The following ACYP2 variants were observed in gnomAD, a reference collection of about 807,000 sequenced individuals.
The protein encoded by ACYP2 is acylphosphatase 2, also known as acylphosphatase-2.
Under a neutral mutation model 11.2 loss-of-function variants are expected in ACYP2, and 12 were observed. The observed-to-expected ratio is 1.08, with a 90% CI of 0.69 to 1.74. ACYP2 has a LOEUF of 1.74. ACYP2 is among the 40% of genes most tolerant of loss of function. The pLI is 0.00. For synonymous variants in ACYP2, 43 were observed against 32.2 expected, an observed-to-expected ratio of 1.33 and a Z score of -1.13; for missense variants, 134 against 101.9, an observed-to-expected ratio of 1.31 and a Z score of -1.35.
intron 6 of ACYP2, among the ~76,000 whole-genome samples, chr2:54,183,263 T>C (rs557886679): frequency 3.9e-4 from 59 of 152,348 alleles, no homozygotes; most frequent in African/African-American, 1.4e-3. Flanking sequence ...CTGGGTGTTC[T>C]GATGATGTGG....
At chr2:54,166,148 C>T (rs370364545) in intron 6 of ACYP2, among the ~76,000 whole-genome samples, 34 of 152,252 alleles carry the variant, frequency 2.2e-4, no homozygotes, top group African/African-American at 7.7e-4. Flanking sequence ...TCAAGGAAAC[C>T]AAAGTGTGTG....
At chr2:54,137,926 G>A (rs1051730895) in intron 5 of ACYP2, among the ~76,000 whole-genome samples, 5 of 152,128 alleles carry the variant, frequency 3.3e-5, no homozygotes, top group African/African-American at 1.2e-4. Flanking sequence ...CCTTTTCTCT[G>A]CAACCTGGCC....
intron 2 of ACYP2, among the ~76,000 whole-genome samples, chr2:54,008,563 A>G (rs1300389615): frequency 6.6e-6 from 1 of 152,208 alleles, no homozygotes; most frequent in Non-Finnish European, 1.5e-5. Context: ...AGAGGCACAG[A>G]GGCAAAGAAT....
chr2:54,137,991 G>A (rs1681359601), intron 5 of ACYP2, among the ~76,000 whole-genome samples: 1 of 152,100 alleles, frequency 6.6e-6, no homozygotes, highest in African/African-American at 2.4e-5. Flanking sequence ...GGTGTGAGAA[G>A]GTATCTCATT....
chr2:53,975,094 G>A (rs527884865), intron 2 of ACYP2, among the ~76,000 whole-genome samples: 124 of 151,938 alleles, frequency 8.2e-4, no homozygotes, highest in Admixed American at 1.2e-3. Flanking sequence ...GCATGGTGGC[G>A]TGCGCCTGTA....
intron 2 of ACYP2, among the ~76,000 whole-genome samples, chr2:54,045,441 T>G (rs1438937476): frequency 1.3e-5 from 2 of 152,164 alleles, no homozygotes; most frequent in Admixed American, 6.5e-5. Context: ...AGTGTTTTGT[T>G]TTTAAGAGAG....
At position 54,138,633 on chromosome 2, in the gene ACYP2, A is replaced by G; in HGVS notation, c.295-6A>G. On this transcript the variant is annotated splice_polypyrimidine_tract_variant and splice_region_variant and intron_variant, in intron 5 of 6. Transcript: ENST00000607452. ...ACTTTATTCTTCTTGTTTTTTCCTG[A>G]AACAGTATACAGAAGATGAAGCTAG... The G allele has an allele frequency of 1.2e-6, 2 of 1,605,946 alleles. No individual in the cohort carries two copies. The highest frequency in any genetic ancestry group is 1.7e-6 in the Non-Finnish European group (2 of 1,175,948).
chr2:54,127,325 C>T (rs972137874), intron 4 of ACYP2, among the ~76,000 whole-genome samples: 5 of 152,174 alleles, frequency 3.3e-5, no homozygotes, highest in Admixed American at 6.5e-5. Flanking sequence ...GCAGACTATA[C>T]TTGTGATCAA....
intron 4 of ACYP2, among the ~76,000 whole-genome samples, chr2:54,107,249 T>G (rs1033893710): frequency 2.6e-5 from 4 of 152,208 alleles, no homozygotes; most frequent in Non-Finnish European, 5.9e-5. Flanking sequence ...ACCAAGTAGA[T>G]AGTAAAAATA....
intron 4 of ACYP2, among the ~76,000 whole-genome samples, chr2:54,115,138 G>A (rs1260905585): frequency 6.6e-6 from 1 of 152,112 alleles, no homozygotes; most frequent in Non-Finnish European, 1.5e-5. Context: ...TGGTGACTGC[G>A]ATAAATGTAT....
At chr2:54,180,617 T>G (rs1460749234) in intron 6 of ACYP2, among the ~76,000 whole-genome samples, 1 of 152,186 alleles carries the variant, frequency 6.6e-6, no homozygotes, top group African/African-American at 2.4e-5. Context: ...TGTGGTGGCA[T>G]GATCATGGCT....
intron 4 of ACYP2, among the ~76,000 whole-genome samples, chr2:54,072,509 CTCTT>C (rs1210617658): frequency 8.2e-5 from 6 of 72,964 alleles, no homozygotes; most frequent in East Asian, 1.1e-3. Context: ...CTCTCTCTCT[CTCTT>C]TCTTTCTTCT....
chr2:53,987,782 C>T (rs924877076), intron 2 of ACYP2, among the ~76,000 whole-genome samples: 1 of 152,104 alleles, frequency 6.6e-6, no homozygotes, highest in Non-Finnish European at 1.5e-5. Flanking sequence ...TTTATATCCT[C>T]TTTGGTGAAA....
chr2:54,072,695 TG>T (rs1397704173), intron 4 of ACYP2, among the ~76,000 whole-genome samples: 8 of 151,900 alleles, frequency 5.3e-5, no homozygotes, highest in Admixed American at 4.6e-4. Context: ...CCTGAGTAGC[TG>T]GGACTACAGG....
intron 2 of ACYP2, among the ~76,000 whole-genome samples, chr2:54,015,960 C>T (rs1201089325): frequency 6.6e-6 from 1 of 152,012 alleles, no homozygotes; most frequent in East Asian, 1.9e-4. Flanking sequence ...ATACCACACC[C>T]AGCTAACTAG....
At chr2:54,279,325 G>T (rs2104111139) in intron 6 of ACYP2, among the ~76,000 whole-genome samples, 1 of 152,236 alleles carries the variant, frequency 6.6e-6, no homozygotes, top group South Asian at 2.1e-4. Flanking sequence ...GTGCACTATA[G>T]TGACCCAGTT....
chr2:54,127,702 C>G (rs1680619815), intron 4 of ACYP2, among the ~76,000 whole-genome samples: 2 of 137,488 alleles, frequency 1.5e-5, no homozygotes, highest in African/African-American at 5.4e-5. Flanking sequence ...GAGCCGAGAT[C>G]ACACCATGCC....
At chr2:53,994,080 C>T (rs1672436949) in intron 2 of ACYP2, among the ~76,000 whole-genome samples, 1 of 152,090 alleles carries the variant, frequency 6.6e-6, no homozygotes, top group Non-Finnish European at 1.5e-5. Context: ...CCTGTAATCC[C>T]AGCACTTTGG....
chr2:54,029,964 AC>A (rs372961152), intron 2 of ACYP2: 268 of 271,586 alleles, frequency 9.9e-4, no homozygotes, highest in African/African-American at 5.7e-3. Flanking sequence ...TATTGCTGTA[AC>A]CAGATACAGG....
Sources: gnomAD v4.1 joint callset for allele counts (sites outside exome capture counted in the v4.1 genomes callset) on GRCh38, gnomAD v4.1.1 for gene constraint, MANE v1.5 for transcripts, NCBI Gene and HGNC (gene_info 2026-07-23, HGNC 2026-07-21) for gene names.